The following DDX11 variants were observed in gnomAD, a reference collection of about 807,000 sequenced individuals.
DDX11 encodes the protein DEAD/H-box helicase 11, also known as ATP-dependent DNA helicase DDX11.
DDX11 carries 72 observed loss-of-function variants against 125.2 expected under a neutral mutation model. The ratio of observed to expected loss-of-function variants is 0.58; its 90% CI spans 0.48 to 0.70. The LOEUF is 0.70. DDX11 is among the 30% of genes least tolerant of loss of function. The pLI, the probability that DDX11 is intolerant of heterozygous loss-of-function variation, is 0.00. For synonymous variants in DDX11, 347 were observed against 452.6 expected (o/e 0.77, Z 2.96); for missense variants, 883 against 1,165.0 (o/e 0.76, Z 3.52).
Position 31,096,599 on chromosome 12 carries a change from C to G in DDX11, c.1522-38C>G, listed in dbSNP as rs765606145. On this transcript the variant is annotated intron_variant, in intron 15 of 26. Transcript: ENST00000542838. The stretch of plus-strand genomic sequence containing the variant: ...ACCCAGCCTCTCTCTCATGGCTGTA[C>G]CTCGTTCCTCTCCACTGCTCTCTCT... 5.0e-6 allele frequency: 8 copies of G among 1,609,122 alleles called. No homozygotes were observed. In the African/African-American group the frequency reaches 1.1e-4, roughly 22 times the overall value.
chr12:31,099,084 CTTTTTTTTTT>C lies in DDX11; in HGVS notation c.1875+1099_1875+1108del, dbSNP rs763612105. Among the ~76,000 whole-genome samples, 7 of 63,718 alleles carry C rather than the reference CTTTTTTTTTT, an allele frequency of 1.1e-4. 1 individual carries two copies. The South Asian group carries it at 3.4e-3, about 31-fold the overall frequency. 41.8% of individuals were successfully genotyped at this position (63,718 alleles called of 152,430 possible). ...CATACTGGTATTTCTTTCTTTCTTT[CTTTTTTTTTT>C]TTTTTTTTTTTGAGACACAGTCTCG... On this transcript the variant is annotated intron_variant, in intron 18 of 26. Coordinates refer to ENST00000542838, the MANE Select transcript of DDX11 (RefSeq NM_030653.4).
chr12:31,086,509 T>C (rs1943182721), intron 5 of DDX11, among the ~76,000 whole-genome samples: 1 of 152,132 alleles, frequency 6.6e-6, no homozygotes, highest in African/African-American at 2.4e-5. Context: ...ACCGTGTTGC[T>C]TTATGCCTCG....
rs1337371641 is a variant in DDX11 at position 31,101,128 on chromosome 12, A to C, written c.2050A>C (p.Met684Leu). ...GTTCCAGAAAAGAGAGCTGCCTCAG[A>C]TGGTCAGTCCCAGCCAGCTCGCCGC... ...FTFQKRELPQ[M>L]MDEVGRILCN... Residue 684 changes from methionine to leucine, a missense_variant and splice_region_variant, in exon 20 of 27, where the codon ATG (methionine) becomes CTG (leucine). This residue lies in a region of DDX11 where 285 missense variants were observed against 346.0 expected (regional missense o/e 0.82). Coordinates refer to ENST00000542838, the MANE Select transcript of DDX11 (RefSeq NM_030653.4). 6.2e-7 allele frequency: 1 copy of C among 1,614,000 alleles called. No individual in the cohort carries two copies.
In DDX11 at chr12:31,096,945, C is replaced by A; in HGVS notation, c.1717C>A (p.Leu573Ile). Reference sequence around the variant, plus strand: ...GCACATCCAAGGCTTCCTGGCAGCTCTCACTACGGCCAACCAGGACGGCAG... The same window carrying A: ...GCACATCCAAGGCTTCCTGGCAGCTATCACTACGGCCAACCAGGACGGCAG... ...LMHIQGFLAA[L>I]TTANQDGRVI... The change falls in exon 17 of 27, where the codon CTC (leucine) becomes ATC (isoleucine). Residue 573 changes from leucine (L) to isoleucine (I), a missense_variant. Physicochemically the swap from Leu to Ile is conservative, Grantham distance 5. Transcript: ENST00000542838. The A allele has an allele frequency of 6.2e-7, 1 of 1,614,102 alleles. No individual in the cohort carries two copies. Among genetic ancestry groups the A allele is most frequent in the Non-Finnish European group, 8.5e-7 (1 of 1,180,006 alleles).
intron 19 of DDX11, 119 bp from the exon 20 acceptor site, chr12:31,100,908 G>T (rs534731428): frequency 4.4e-6 from 5 of 1,138,276 alleles, no homozygotes; most frequent in South Asian, 3.7e-5. Flanking sequence ...ATGGTGGGCG[G>T]GTGAGCGCTG....
chr12:31,075,878 G>A (rs568022732), intron 1 of DDX11, among the ~76,000 whole-genome samples: 113 of 152,318 alleles, frequency 7.4e-4, no homozygotes, highest in African/African-American at 2.6e-3. Flanking sequence ...ACAGAGTAAT[G>A]TGATTTTTTA....
chr12:31,103,878 T>C lies in DDX11; in HGVS notation c.*42T>C, dbSNP rs1444434706. On this transcript the variant is annotated 3_prime_UTR_variant, in exon 27 of 27. Coordinates refer to ENST00000542838, the MANE Select transcript of DDX11 (RefSeq NM_030653.4). ...TGCCTGGCGCCGTGCCCTTCCTTTGTCCTGCCCGCTGGAGACAGTGTTTGT... is the reference window on the plus strand; with the variant it reads ...TGCCTGGCGCCGTGCCCTTCCTTTGCCCTGCCCGCTGGAGACAGTGTTTGT... The C allele has an allele frequency of 6.2e-7, 1 of 1,613,974 alleles. No homozygotes were observed. Among genetic ancestry groups the C allele is most frequent in the Non-Finnish European group, 8.5e-7 (1 of 1,179,872 alleles).
rs376513442 is a variant in DDX11 at position 31,100,691 on chromosome 12, G to A, written c.1932G>A (p.Val644=). ...GTGCCGGGGTGGAAGCTGAGCGCGTGGTGGAGTTTTCCTGTGGTGAGAAGC... is the reference window on the plus strand; with the variant it reads ...GTGCCGGGGTGGAAGCTGAGCGCGTAGTGGAGTTTTCCTGTGGTGAGAAGC... The part of the protein sequence containing the change: ...LACAGVEAER[V]VEFSCGHVIP... Residue 644 remains valine (V), a synonymous_variant, in exon 19 of 27, where the codon GTG becomes GTA. Transcript: ENST00000542838. The A allele has an allele frequency of 7.2e-5, 112 of 1,552,396 alleles. 1 individual carries two copies. In the African/African-American group the frequency reaches 1.4e-3, roughly 19 times the overall value.
intron 9 of DDX11, 149 bp from the exon 10 acceptor site, chr12:31,091,570 C>T (rs1944223849): frequency 5.2e-6 from 4 of 775,422 alleles, no homozygotes; most frequent in Non-Finnish European, 8.3e-6. Context: ...TCGAGGAGAG[C>T]TTGTCCGTTG....
At chr12:31,076,010 ACTC>A (rs199837872) in intron 1 of DDX11, among the ~76,000 whole-genome samples, 1 of 151,676 alleles carries the variant, frequency 6.6e-6, no homozygotes, top group African/African-American at 2.4e-5. Flanking sequence ...ATTGAGGAGG[ACTC>A]CTTCTCCAGG....
chr12:31,102,271 A>G lies in DDX11; in HGVS notation c.2231A>G (p.Gln744Arg). The change falls in exon 22 of 27, where the codon CAG (glutamine) becomes CGG (arginine). Residue 744 changes from glutamine (Q) to arginine (R), a missense_variant. By Grantham distance (43) the Gln-to-Arg change is conservative (BLOSUM62 1). Coordinates refer to ENST00000542838, the MANE Select transcript of DDX11 (RefSeq NM_030653.4). Reference sequence around the variant, plus strand: ...TTCCAGGAACCTAAGAGCGCACACCAGGTGGAGCAGGTGCTGCTGGCATAT... The same window carrying G: ...TTCCAGGAACCTAAGAGCGCACACCGGGTGGAGCAGGTGCTGCTGGCATAT... Reference protein sequence around the residue: ...KIFQEPKSAHQVEQVLLAYSR... With the variant: ...KIFQEPKSAHRVEQVLLAYSR... 1 of 1,614,092 alleles carries G rather than the reference A, an allele frequency of 6.2e-7. No individual in the cohort carries two copies. The highest frequency in any genetic ancestry group is 1.1e-5 in the South Asian group (1 of 91,072).
intron 2 of DDX11, among the ~76,000 whole-genome samples, chr12:31,079,221 A>G (rs956222670): frequency 1.3e-5 from 2 of 151,896 alleles, no homozygotes; most frequent in South Asian, 4.2e-4. Context: ...TTTCTAGTTA[A>G]TAATTGCCCT....
At chr12:31,080,788 A>G (rs1941761523) in intron 2 of DDX11, among the ~76,000 whole-genome samples, 1 of 152,188 alleles carries the variant, frequency 6.6e-6, no homozygotes, top group Non-Finnish European at 1.5e-5. Context: ...TCTGTTGCCC[A>G]GGGCCGAGTG....
At chr12:31,098,861 C>T (rs1204370553) in intron 18 of DDX11, among the ~76,000 whole-genome samples, 11 of 152,104 alleles carry the variant, frequency 7.2e-5, no homozygotes, top group Admixed American at 6.5e-4. Context: ...CGGTCAGTCT[C>T]GCCTCCAGCA....
At position 31,085,582 on chromosome 12, in the gene DDX11, G is replaced by A. The variant is rs1290725017; in HGVS notation, c.638+456G>A. ...GCTTTCCTTCTCCCATAAAGCCTCTGTTGGTCCAGACTCAAGGTTTCCACT... is the reference window on the plus strand; with the variant it reads ...GCTTTCCTTCTCCCATAAAGCCTCTATTGGTCCAGACTCAAGGTTTCCACT... On this transcript the variant is annotated intron_variant, in intron 5 of 26. Coordinates refer to ENST00000542838, the MANE Select transcript of DDX11 (RefSeq NM_030653.4). Among the ~76,000 whole-genome samples the A allele has an allele frequency of 3.9e-5, 6 of 152,306 alleles. No homozygotes were observed. In the East Asian group the frequency reaches 1.2e-3, roughly 29 times the overall value.
chr12:31,096,757 G>C lies in DDX11; in HGVS notation c.1630+12G>C. 6.2e-7 allele frequency: 1 copy of C among 1,614,206 alleles called. No individual in the cohort carries two copies. The highest frequency in any genetic ancestry group is 8.5e-7 in the Non-Finnish European group (1 of 1,180,032). ...CAGGACGACTGAAGGTGAGGCAGGAGGGTGGGCAGGCAGAGCCGGCTGCAC... is the reference window on the plus strand; with the variant it reads ...CAGGACGACTGAAGGTGAGGCAGGACGGTGGGCAGGCAGAGCCGGCTGCAC... On this transcript the variant is annotated intron_variant, in intron 16 of 26. Transcript: ENST00000542838.
At position 31,097,996 on chromosome 12, in the gene DDX11, C is replaced by T. The variant is rs536771386; in HGVS notation, c.1874C>T (p.Pro625Leu). Residue 625 changes from proline (P) to leucine (L), a missense_variant and splice_region_variant, in exon 18 of 27, where the codon CCG (proline) becomes CTG (leucine). Pro to Leu is a moderately conservative substitution (Grantham distance 98, BLOSUM62 -3). Around this residue, in one of 5 missense-constraint regions of DDX11, gnomAD observed 241 missense variants for 279.7 expected, o/e 0.86. Coordinates refer to ENST00000542838, the MANE Select transcript of DDX11 (RefSeq NM_030653.4). Reference protein sequence around the residue: ...AVVIAGGTMQPVSDFRQQLLA... With the variant: ...AVVIAGGTMQLVSDFRQQLLA... ...GTCATTGCGGGGGGTACCATGCAGC[C>T]GGTAAGGACACCTTTCCCAGCCCCT... The T allele has an allele frequency of 3.1e-6, 5 of 1,612,826 alleles. No individual in the cohort carries two copies. Among genetic ancestry groups the T allele is most frequent in the Middle Eastern group, 1.7e-4 (1 of 6,050 alleles).
chr12:31,080,341 C>G (rs1941641412), intron 2 of DDX11, among the ~76,000 whole-genome samples: 1 of 152,112 alleles, frequency 6.6e-6, no homozygotes. Flanking sequence ...TCAGCCTGGC[C>G]CTCCTCCCCC....
intron 9 of DDX11, 130 bp from the exon 10 acceptor site, chr12:31,091,589 T>G: frequency 1.0e-6 from 1 of 977,696 alleles, no homozygotes; most frequent in Non-Finnish European, 1.5e-6. Flanking sequence ...TGCCACAAGC[T>G]GTTTTTCGAA....
Sources: gnomAD v4.1 joint callset for allele counts (sites outside exome capture counted in the v4.1 genomes callset) on GRCh38, gnomAD v4.1.1 for gene constraint, gnomAD v4.1.1 regional missense constraint, MANE v1.5 for transcripts, NCBI Gene and HGNC (gene_info 2026-07-23, HGNC 2026-07-21) for gene names.